The following TLN2 variants were observed in gnomAD, a reference collection of about 807,000 sequenced individuals.
TLN2 encodes talin 2, also known as talin-2.
TLN2 carries 118 observed loss-of-function variants against 294.7 expected under a neutral mutation model. The ratio of observed to expected loss-of-function variants is 0.40; its 90% CI spans 0.34 to 0.47. The LOEUF is 0.47. Among genes scored for constraint, TLN2 ranks in the 20% least tolerant of loss-of-function variants. TLN2 has a pLI of 0.84. For missense variants in TLN2, 3,083 were observed against 3,282.2 expected, an observed-to-expected ratio of 0.94 and a Z score of 1.48; for synonymous variants, 1,431 against 1,304.5, an observed-to-expected ratio of 1.10 and a Z score of -2.09.
intron 22 of TLN2, among the ~76,000 whole-genome samples, chr15:62,713,966 G>A (rs1311265312): frequency 4.9e-5 from 7 of 142,450 alleles, no homozygotes; most frequent in Non-Finnish European, 7.8e-5. Flanking sequence ...GTTTTATGTA[G>A]TAGTTGAATT....
chr15:62,776,941 C>T (rs1411151816), intron 43 of TLN2, 31 bp downstream of exon 43: 2 of 1,444,866 alleles, frequency 1.4e-6, no homozygotes, highest in African/African-American at 2.9e-5. Context: ...TCTCTACTCC[C>T]TTATCTCCCT....
chr15:62,736,962 C>A lies in TLN2; in HGVS notation c.3443C>A (p.Ala1148Glu). ...RGVAASTTDPAAAHAMLDSAR... is the reference protein window; with the variant it reads ...RGVAASTTDPEAAHAMLDSAR... Reference sequence around the variant, plus strand: ...GTGGCTGCATCGACAACCGACCCCGCGGCCGCCCATGCCATGTTAGATTCT... The same window carrying A: ...GTGGCTGCATCGACAACCGACCCCGAGGCCGCCCATGCCATGTTAGATTCT... The change falls in exon 29 of 59, where the codon GCG (alanine) becomes GAG (glutamate). Residue 1148 changes from alanine (A) to glutamate (E), a missense_variant. Physicochemically the swap from Ala to Glu is moderately radical, Grantham distance 107. Coordinates refer to ENST00000636159, the MANE Select transcript of TLN2 (RefSeq NM_015059.3). 1 of 1,614,166 alleles carries A rather than the reference C, an allele frequency of 6.2e-7. No homozygotes were observed. Among genetic ancestry groups the A allele is most frequent in the Non-Finnish European group, 8.5e-7 (1 of 1,180,032 alleles).
intron 42 of TLN2, among the ~76,000 whole-genome samples, chr15:62,774,731 A>T (rs1204958079): frequency 6.6e-6 from 1 of 152,194 alleles, no homozygotes; most frequent in African/African-American, 2.4e-5. Flanking sequence ...TGGGATAGCC[A>T]AGAGCAAGGA....
At position 62,766,432 on chromosome 15, in the gene TLN2, AC is replaced by A; in HGVS notation, c.5196+12del. On this transcript the variant is annotated intron_variant, in intron 41 of 58. Transcript: ENST00000636159. ...TCAGCTGGGACATAAGGTAATGCAC[AC>A]CGAGGGGATCCTGCGAGGGTGTGCG... 6.3e-7 allele frequency: 1 copy of A among 1,599,154 alleles called. No homozygotes were observed. The highest frequency in any genetic ancestry group is 1.7e-4 in the Middle Eastern group (1 of 6,018).
At chr15:62,591,260 T>C (rs1227837215) in intron 2 of TLN2, among the ~76,000 whole-genome samples, 1 of 152,254 alleles carries the variant, frequency 6.6e-6, no homozygotes, top group Non-Finnish European at 1.5e-5. Context: ...CATTTCTCTG[T>C]AGTCCAGTGA....
In TLN2 at chr15:62,812,971, C is replaced by T. The variant is rs372313459; in HGVS notation, c.6771+2939C>T. ...CATCAGCCCTGATGGTAAACGGCAG[C>T]TTTTTCTGTAACAGGAAGAAGGGCA... On this transcript the variant is annotated intron_variant, in intron 52 of 58. Transcript: ENST00000636159. 1.4e-3 allele frequency among the ~76,000 whole-genome samples: 217 copies of T among 152,322 alleles called. 8 individuals carry two copies. The South Asian group carries it at 0.043, about 30-fold the overall frequency.
At chr15:62,755,393 A>C (rs1048693498) in intron 36 of TLN2, 139 bp from the exon 37 acceptor site, 1 of 1,031,414 alleles carries the variant, frequency 9.7e-7, no homozygotes, top group African/African-American at 1.6e-5. Context: ...AGTGACTTTG[A>C]GGGTCGCAGA....
At position 62,800,358 on chromosome 15, in the gene TLN2, T is replaced by A; in HGVS notation, c.6235-10T>A. The A allele has an allele frequency of 1.2e-6, 2 of 1,613,010 alleles. No individual in the cohort carries two copies. Among genetic ancestry groups the A allele is most frequent in the Non-Finnish European group, 1.7e-6 (2 of 1,179,712 alleles). Reference sequence around the variant, plus strand: ...ACGCCTGCTCACCTGAGTTCTGTGCTCTCTTTCAGGTGGTTTTGATCAATG... The same window carrying A: ...ACGCCTGCTCACCTGAGTTCTGTGCACTCTTTCAGGTGGTTTTGATCAATG... On this transcript the variant is annotated splice_polypyrimidine_tract_variant and intron_variant, in intron 48 of 58. Transcript: ENST00000636159.
In TLN2 at chr15:62,390,607, T is replaced by TGGTCGCCCAGC. The variant is rs1229116192; in HGVS notation, c.-314_-304dup. The TGGTCGCCCAGC allele has an allele frequency of 2.0e-5, 3 of 151,682 alleles. No individual in the cohort carries two copies. The highest frequency in any genetic ancestry group is 7.3e-5 in the African/African-American group (3 of 41,154). 9.4% of individuals were successfully genotyped at this position (151,682 alleles called of 1,614,324 possible). A position where few individuals can be genotyped will look rare whatever the true frequency, so the allele number is the denominator to read the frequency against. ...GGCTGAGGCGGCTGCGGGAGCGGAG[T>TGGTCGCCCAGC]GGTCGCCCAGCGCGCGGGGGGACGC... On this transcript the variant is annotated 5_prime_UTR_variant, in exon 1 of 59. Coordinates refer to ENST00000636159, the MANE Select transcript of TLN2 (RefSeq NM_015059.3).
chr15:62,529,522 C>G (rs2040925729), intron 1 of TLN2, among the ~76,000 whole-genome samples: 1 of 148,994 alleles, frequency 6.7e-6, no homozygotes, highest in Middle Eastern at 3.5e-3. Flanking sequence ...TCCCTTGCCT[C>G]TCTTGTTTTT....
intron 1 of TLN2, among the ~76,000 whole-genome samples, chr15:62,459,690 G>T (rs1416411058): frequency 6.6e-6 from 1 of 152,136 alleles, no homozygotes; most frequent in East Asian, 1.9e-4. Flanking sequence ...TGCTAACTTT[G>T]AGTTGAGTCT....
At chr15:62,500,683 G>A (rs1393591029) in intron 1 of TLN2, among the ~76,000 whole-genome samples, 1 of 152,198 alleles carries the variant, frequency 6.6e-6, no homozygotes, top group Non-Finnish European at 1.5e-5. Flanking sequence ...CCGAATATCT[G>A]CTATGGCAAT....
chr15:62,641,138 A>G (rs1161617968), intron 3 of TLN2, among the ~76,000 whole-genome samples: 1 of 152,152 alleles, frequency 6.6e-6, no homozygotes. Context: ...AGGGCTAACT[A>G]GAAGGTGAGC....
intron 1 of TLN2, among the ~76,000 whole-genome samples, chr15:62,435,997 A>T (rs574970148): frequency 6.6e-6 from 1 of 152,292 alleles, no homozygotes; most frequent in East Asian, 1.9e-4. Context: ...ATCATGCTCC[A>T]TGATATCACT....
chr15:62,573,706 G>T (rs1268266372), intron 1 of TLN2, among the ~76,000 whole-genome samples: 2 of 151,184 alleles, frequency 1.3e-5, no homozygotes, highest in African/African-American at 4.9e-5. Flanking sequence ...CATGGTTTCT[G>T]CTGTCCCTTT....
At chr15:62,632,408 G>A (rs1186287939) in intron 3 of TLN2, among the ~76,000 whole-genome samples, 2 of 152,168 alleles carry the variant, frequency 1.3e-5, no homozygotes, top group Admixed American at 6.5e-5. Context: ...GATGTTGGAA[G>A]GACTTTAGTG....
intron 1 of TLN2, among the ~76,000 whole-genome samples, chr15:62,443,309 T>G (rs2035646539): frequency 6.6e-6 from 1 of 152,268 alleles, no homozygotes; most frequent in Non-Finnish European, 1.5e-5. Context: ...GTTTGGTTTT[T>G]GTGCCCTTCC....
chr15:62,767,503 G>A (rs1340419135), intron 41 of TLN2, among the ~76,000 whole-genome samples: 7 of 151,980 alleles, frequency 4.6e-5, no homozygotes, highest in Non-Finnish European at 8.8e-5. Flanking sequence ...CACCATGCCC[G>A]GCTAATTTTT....
At chr15:62,587,097 A>G (rs541970221) in intron 1 of TLN2, among the ~76,000 whole-genome samples, 3 of 152,346 alleles carry the variant, frequency 2.0e-5, no homozygotes, top group Admixed American at 6.5e-5. Context: ...AGGGACCCAA[A>G]GGCAGGGGTG....
Sources: allele counts gnomAD v4.1 joint callset (sites outside exome capture counted in the v4.1 genomes callset), GRCh38; gene constraint gnomAD v4.1.1; transcripts MANE v1.5; gene names NCBI Gene and HGNC (gene_info 2026-07-23, HGNC 2026-07-21).